Variants in ALK observed in about 807,000 individuals in gnomAD.
The protein encoded by ALK is ALK receptor tyrosine kinase, also known as ALK tyrosine kinase receptor.
ALK carries 74 observed loss-of-function variants against 163.1 expected under a neutral mutation model. The ratio of observed to expected loss-of-function variants is 0.45; its 90% confidence interval spans 0.38 to 0.55. ALK has a LOEUF of 0.55. Among genes scored for constraint, ALK ranks in the 20% least tolerant of loss-of-function variants. ALK has a pLI of 0.00. For missense variants in ALK, 2,063 were observed against 2,105.3 expected (o/e 0.98, Z 0.39); for synonymous variants, 960 against 843.2 (o/e 1.14, Z -2.40).
chr2:29,754,890 A>G (rs1680470322), intron 1 of ALK, among the ~76,000 whole-genome samples: 1 of 152,148 alleles, frequency 6.6e-6, no homozygotes. Flanking sequence ...TTTGACAAAT[A>G]GTAGTATAGA....
chr2:29,478,104 A>G (rs776099451), intron 4 of ALK, among the ~76,000 whole-genome samples: 25 of 152,242 alleles, frequency 1.6e-4, no homozygotes, highest in Non-Finnish European at 3.7e-4. Context: ...AAAGCTCCCC[A>G]GGTTTGCTGC....
At position 29,694,878 on chromosome 2, in the gene ALK, C is replaced by T. The variant is rs878854660; in HGVS notation, c.924G>A (p.Gly308=). The T allele has an allele frequency of 8.1e-6, 13 of 1,613,850 alleles. No individual in the cohort carries two copies. Among genetic ancestry groups the T allele is most frequent in the Non-Finnish European group, 1.1e-5 (13 of 1,179,960 alleles). The stretch of plus-strand genomic sequence containing the variant: ...TGGGCATCTCCTTAGAACGCTCTGC[C>T]CCAGGCCCATCCAGCAAGTCCATCT... ...ASQMDLLDGP[G]AERSKEMPRG... is the part of the protein sequence containing the mutation. Residue 308 remains glycine, a synonymous_variant, in exon 3 of 29, where the codon GGG becomes GGA. Coordinates refer to ENST00000389048, the MANE Select transcript of ALK (RefSeq NM_004304.5).
At chr2:29,226,169 C>CCT (rs1663980076) in intron 18 of ALK, among the ~76,000 whole-genome samples, 1 of 152,006 alleles carries the variant, frequency 6.6e-6, no homozygotes, top group Admixed American at 6.6e-5. Context: ...GTTATTTAGT[C>CCT]TGAAGAAGAG....
intron 4 of ALK, among the ~76,000 whole-genome samples, chr2:29,513,617 A>G (rs1332939779): frequency 3.3e-5 from 5 of 152,098 alleles, no homozygotes; most frequent in Non-Finnish European, 7.4e-5. Context: ...AAACACCAAA[A>G]GCAATGGCAA....
intron 3 of ALK, among the ~76,000 whole-genome samples, chr2:29,646,721 G>A (rs890126160): frequency 2.0e-5 from 3 of 152,070 alleles, no homozygotes; most frequent in African/African-American, 7.2e-5. Flanking sequence ...ATGGCTGTGT[G>A]GCTCATTATC....
At chr2:29,804,400 C>T (rs762979920) in intron 1 of ALK, among the ~76,000 whole-genome samples, 33 of 152,340 alleles carry the variant, frequency 2.2e-4, no homozygotes, top group Non-Finnish European at 4.7e-4. Context: ...AAGCCTAACA[C>T]GGACTAATGC....
At position 29,304,530 on chromosome 2, in the gene ALK, C is replaced by T. The variant is rs79150427; in HGVS notation, c.1648-7473G>A. 5.8e-3 allele frequency among the ~76,000 whole-genome samples: 876 copies of T among 150,984 alleles called. 10 individuals carry two copies. The highest frequency in any genetic ancestry group is 0.02 in the African/African-American group (827 of 41,278). ...AAAAAAAGAAAAGAAAAAAGAAATG[C>T]AGAATCTCTGGCCTGATGCCAAATC... On this transcript the variant is annotated intron_variant, in intron 8 of 28. Coordinates refer to ENST00000389048, the MANE Select transcript of ALK (RefSeq NM_004304.5).
intron 4 of ALK, among the ~76,000 whole-genome samples, chr2:29,452,755 A>G (rs574581523): frequency 3.3e-4 from 50 of 152,326 alleles, no homozygotes; most frequent in Non-Finnish European, 5.0e-4. Context: ...ACCAGTTACA[A>G]GACATTTTGA....
intron 1 of ALK, among the ~76,000 whole-genome samples, chr2:29,845,578 G>T (rs1018488259): frequency 6.6e-6 from 1 of 152,138 alleles, no homozygotes; most frequent in African/African-American, 2.4e-5. Context: ...GGGAGTACGG[G>T]CATGTGCCAT....
intron 12 of ALK, among the ~76,000 whole-genome samples, chr2:29,242,477 G>A (rs1573151522): frequency 6.6e-6 from 1 of 152,114 alleles, no homozygotes; most frequent in Non-Finnish European, 1.5e-5. Flanking sequence ...GTTTGTTCCT[G>A]ACTCCTTTTA....
rs184370569 is a variant in ALK at position 29,468,760 on chromosome 2, G to A, written c.1154+63155C>T. 7.3e-5 allele frequency among the ~76,000 whole-genome samples: 11 copies of A among 151,288 alleles called. No individual in the cohort carries two copies. The East Asian group carries it at 1.6e-3, about 21-fold the overall frequency. ...TCCCAGCCACTCAGGAGGCTGAGGT[G>A]GGAGGCTGGCTTGAGCCTGGGAGGT... On this transcript the variant is annotated intron_variant, in intron 4 of 28. Coordinates refer to ENST00000389048, the MANE Select transcript of ALK (RefSeq NM_004304.5).
intron 1 of ALK, among the ~76,000 whole-genome samples, chr2:29,790,879 C>T (rs909537602): frequency 3.3e-5 from 5 of 152,108 alleles, no homozygotes; most frequent in South Asian, 2.1e-4. Flanking sequence ...TCACCTCACC[C>T]GGCCAAAAAA....
chr2:29,328,696 A>G (rs1667349606), intron 5 of ALK, among the ~76,000 whole-genome samples: 1 of 152,208 alleles, frequency 6.6e-6, no homozygotes, highest in African/African-American at 2.4e-5. Context: ...ACGCTCATCC[A>G]TGGCCTGCTG....
chr2:29,718,003 C>T (rs770847012), intron 1 of ALK, among the ~76,000 whole-genome samples: 12 of 152,190 alleles, frequency 7.9e-5, no homozygotes, highest in Non-Finnish European at 1.5e-4. Flanking sequence ...TATCCAAAGT[C>T]TATTCTGCCT....
Position 29,200,974 on chromosome 2 carries a change from A to G in ALK, c.3939-3298T>C, listed in dbSNP as rs10166462. 3.3e-3 allele frequency among the ~76,000 whole-genome samples: 501 copies of G among 151,844 alleles called. 5 individuals are homozygous for G. Among genetic ancestry groups the G allele is most frequent in the African/African-American group, 0.011 (475 of 41,454 alleles). On this transcript the variant is annotated intron_variant, in intron 26 of 28. Coordinates refer to ENST00000389048, the MANE Select transcript of ALK (RefSeq NM_004304.5). ...ATTATTGCTGATTAAACTGTTAAAC[A>G]TTTGAATCGATGAAGATAATCTGAT... is the stretch of plus-strand genomic sequence containing the variant.
intron 3 of ALK, among the ~76,000 whole-genome samples, chr2:29,568,798 G>C (rs531416148): frequency 6.6e-6 from 1 of 152,340 alleles, no homozygotes; most frequent in East Asian, 1.9e-4. Context: ...TAAAGATGCT[G>C]TGTGTTGCCA....
chr2:29,626,943 A>G (rs17041310), intron 3 of ALK, among the ~76,000 whole-genome samples: 2,510 of 152,268 alleles, frequency 0.016, 66 homozygotes, highest in African/African-American at 0.058. Context: ...TTCCTTCCCC[A>G]GCTGCCAAAC....
intron 4 of ALK, among the ~76,000 whole-genome samples, chr2:29,506,295 C>T (rs547462162): frequency 6.6e-6 from 1 of 152,212 alleles, no homozygotes; most frequent in African/African-American, 2.4e-5. Context: ...ACAACAAATA[C>T]CAATTGCTTT....
At chr2:29,896,725 C>G (rs1372078711) in intron 1 of ALK, among the ~76,000 whole-genome samples, 1 of 152,172 alleles carries the variant, frequency 6.6e-6, no homozygotes, top group East Asian at 1.9e-4. Flanking sequence ...CACATGATCC[C>G]ATTGGACAAT....
Sources: gnomAD v4.1 joint callset for allele counts (sites outside exome capture counted in the v4.1 genomes callset) on GRCh38, gnomAD v4.1.1 for gene constraint, MANE v1.5 for transcripts, NCBI Gene and HGNC (gene_info 2026-07-23, HGNC 2026-07-21) for gene names.